Variants in SLC16A1 observed in about 807,000 individuals in gnomAD.
SLC16A1 encodes the protein solute carrier family 16 member 1.
SLC16A1 carries 11 observed loss-of-function variants against 32.2 expected under a neutral mutation model. That is an observed-to-expected ratio of 0.34 (90% CI 0.21 to 0.56). SLC16A1 has a LOEUF of 0.56. Ranked by LOEUF, SLC16A1 falls within the 20% of genes least tolerant of loss-of-function variation. The probability of loss-of-function intolerance (pLI) is 0.87; values close to 1 mark genes in which losing one functional copy is unlikely to be tolerated. For missense variants in SLC16A1, 435 were observed against 615.0 expected (o/e 0.71, Z 3.10); for synonymous variants, 231 against 226.8 (o/e 1.02, Z -0.17).
intron 1 of SLC16A1, among the ~76,000 whole-genome samples, chr1:112,953,841 A>G (rs1484492042): frequency 6.6e-6 from 1 of 152,164 alleles, no homozygotes; most frequent in Non-Finnish European, 1.5e-5. Flanking sequence ...TTGCTTCTAT[A>G]CTAAGTTGGG....
At chr1:112,915,745 G>A (rs940027255) in intron 4 of SLC16A1, among the ~76,000 whole-genome samples, 8 of 141,186 alleles carry the variant, frequency 5.7e-5, no homozygotes, top group Non-Finnish European at 9.1e-5. Flanking sequence ...AAAACTCATA[G>A]AACTTAGTAA....
intron 2 of SLC16A1, chr1:112,924,006 A>G (rs878978999): frequency 1.4e-6 from 2 of 1,391,748 alleles, no homozygotes; most frequent in Admixed American, 3.4e-5. Flanking sequence ...GAAACAGCCC[A>G]TGGGCCGCTT....
At chr1:112,949,471 C>G (rs1294065393) in intron 1 of SLC16A1, among the ~76,000 whole-genome samples, 1 of 152,062 alleles carries the variant, frequency 6.6e-6, no homozygotes, top group Non-Finnish European at 1.5e-5. Flanking sequence ...TAAATAAAAC[C>G]AAGTCAATAA....
chr1:112,955,410 C>G (rs1459522207), intron 1 of SLC16A1: 1 of 152,238 alleles, frequency 6.6e-6, no homozygotes, highest in African/African-American at 2.4e-5. Flanking sequence ...ACAAAGAGCC[C>G]CCGTCAGCAC....
In SLC16A1 at chr1:112,929,303, T is replaced by A; in HGVS notation, c.6A>T (p.Pro2=). 1 of 1,613,878 alleles carries A rather than the reference T, an allele frequency of 6.2e-7. No individual in the cohort carries two copies. Among genetic ancestry groups the A allele is most frequent in the Non-Finnish European group, 8.5e-7 (1 of 1,179,982 alleles). Reference sequence around the variant, plus strand: ...ATCCAACTGGACCTCCAACTGCTGGTGGCATTTTAAGTGTAGATAAATTCC... The same window carrying A: ...ATCCAACTGGACCTCCAACTGCTGGAGGCATTTTAAGTGTAGATAAATTCC... M[P]PAVGGPVGYT... is the part of the protein sequence containing the mutation. The change falls in exon 2 of 5, where the codon CCA becomes CCT. Residue 2 remains proline, a synonymous_variant. Transcript: ENST00000369626.
chr1:112,948,334 G>A (rs553981737), intron 1 of SLC16A1, among the ~76,000 whole-genome samples: 205 of 152,208 alleles, frequency 1.3e-3, no homozygotes, highest in African/African-American at 4.7e-3. Context: ...ATATTTGCAG[G>A]CATTAAAAAT....
intron 3 of SLC16A1, 86 bp downstream of exon 3, chr1:112,921,904 C>G: frequency 6.8e-7 from 1 of 1,470,044 alleles, no homozygotes; most frequent in South Asian, 1.2e-5. Context: ...AAGAATTTCA[C>G]TCCAGAGATC....
intron 1 of SLC16A1, among the ~76,000 whole-genome samples, chr1:112,940,006 C>T (rs754851847): frequency 6.9e-6 from 1 of 145,630 alleles, no homozygotes; most frequent in Non-Finnish European, 1.5e-5. Context: ...TGAGGATATT[C>T]CTCTTTGATA....
At chr1:112,954,549 T>A (rs2101657054) in intron 1 of SLC16A1, among the ~76,000 whole-genome samples, 1 of 152,338 alleles carries the variant, frequency 6.6e-6, no homozygotes, top group South Asian at 2.1e-4. Context: ...ATCATTTGCT[T>A]TCATCCTATA....
At chr1:112,943,432 C>T (rs564644449) in intron 1 of SLC16A1, among the ~76,000 whole-genome samples, 6 of 152,178 alleles carry the variant, frequency 3.9e-5, no homozygotes, top group Admixed American at 2.6e-4. Context: ...GGATAATAGC[C>T]AAAGAAGATC....
chr1:112,931,026 T>C (rs1649111131), intron 1 of SLC16A1, among the ~76,000 whole-genome samples: 1 of 152,164 alleles, frequency 6.6e-6, no homozygotes. Flanking sequence ...GCCCCAATGC[T>C]ACAGGTTTTA....
At chr1:112,919,812 G>C (rs920089988) in intron 3 of SLC16A1, among the ~76,000 whole-genome samples, 1 of 152,100 alleles carries the variant, frequency 6.6e-6, no homozygotes, top group African/African-American at 2.4e-5. Context: ...TGTTATGCAG[G>C]TCTCTACTTA....
intron 1 of SLC16A1, among the ~76,000 whole-genome samples, chr1:112,946,311 C>T (rs1649701891): frequency 6.6e-6 from 1 of 152,058 alleles, no homozygotes; most frequent in Non-Finnish European, 1.5e-5. Context: ...GTGGCTCACA[C>T]CTGTAATCCC....
chr1:112,919,878 A>C (rs1441098066), intron 3 of SLC16A1, among the ~76,000 whole-genome samples: 1 of 152,136 alleles, frequency 6.6e-6, no homozygotes, highest in Admixed American at 6.6e-5. Flanking sequence ...CTTCCCTGTC[A>C]CAACACTCAG....
At chr1:112,926,409 A>G (rs192495342) in intron 2 of SLC16A1, among the ~76,000 whole-genome samples, 1 of 151,888 alleles carries the variant, frequency 6.6e-6, no homozygotes, top group Non-Finnish European at 1.5e-5. Context: ...CCTGGCCAAC[A>G]CCATCTCTAC....
chr1:112,914,821 C>CT (rs1648446027), intron 4 of SLC16A1, among the ~76,000 whole-genome samples: 1 of 152,162 alleles, frequency 6.6e-6, no homozygotes, highest in South Asian at 2.1e-4. Flanking sequence ...AAGGATACTG[C>CT]TTTAATGTTT....
At chr1:112,918,413 A>G (rs1357236786) in intron 3 of SLC16A1, among the ~76,000 whole-genome samples, 3 of 152,218 alleles carry the variant, frequency 2.0e-5, no homozygotes, top group Non-Finnish European at 4.4e-5. Context: ...AAGGTGAATA[A>G]CTATTTTGTC....
intron 1 of SLC16A1, among the ~76,000 whole-genome samples, chr1:112,943,812 T>C (rs1349597710): frequency 1.4e-5 from 2 of 148,126 alleles, no homozygotes; most frequent in Non-Finnish European, 3.0e-5. Flanking sequence ...AAAAAAAGAT[T>C]GCAAACTAAG....
chr1:112,926,436 A>G (rs530254069), intron 2 of SLC16A1, among the ~76,000 whole-genome samples: 20 of 152,198 alleles, frequency 1.3e-4, no homozygotes, highest in East Asian at 3.9e-4. Flanking sequence ...TACAAAAACT[A>G]GCTGGGCGTA....
Sources: gnomAD v4.1 joint callset for allele counts (sites outside exome capture counted in the v4.1 genomes callset) on GRCh38, gnomAD v4.1.1 for gene constraint, MANE v1.5 for transcripts, NCBI Gene and HGNC (gene_info 2026-07-23, HGNC 2026-07-21) for gene names.